CRISP2: variants seen among roughly 807,000 people sequenced by gnomAD.
CRISP2 encodes the protein cysteine rich secretory protein 2.
CRISP2 carries 29 observed loss-of-function variants against 31.7 expected under a neutral mutation model. The ratio of observed to expected loss-of-function variants is 0.92; its 90% CI spans 0.68 to 1.25. The LOEUF (loss-of-function observed/expected upper bound fraction) is 1.25, where lower values mean the gene tolerates loss of function less well. CRISP2 is among the 50% of genes most tolerant of loss of function. The probability of loss-of-function intolerance (pLI) is 0.00; values close to 1 mark genes in which losing one functional copy is unlikely to be tolerated. For missense variants in CRISP2, 318 were observed against 286.5 expected (o/e 1.11, Z -0.79); for synonymous variants, 111 against 101.4 (o/e 1.09, Z -0.57).
At chr6:49,688,573 G>A (rs891479831), downstream of CRISP2, among the ~76,000 whole-genome samples, 5 of 152,054 alleles carry the variant, frequency 3.3e-5, no homozygotes, top group East Asian at 1.9e-4. Flanking sequence ...AAAATATTCC[G>A]AAAACAGATC....
rs188498674 is a variant in CRISP2 at position 49,697,756 on chromosome 6, C to T, written c.515+104G>A. 322 of 1,590,188 alleles carry T rather than the reference C, an allele frequency of 2.0e-4. 1 individual carries two copies. Among genetic ancestry groups the T allele is most frequent in the Admixed American group, 1.4e-3 (82 of 58,448 alleles). On this transcript the variant is annotated intron_variant, in intron 8 of 9. Coordinates refer to ENST00000339139, the MANE Select transcript of CRISP2 (RefSeq NM_003296.4). ...AACATTTCCAAACGTTTATCCCCTC[C>T]CTTTTATTGAGATATGTTTTCATTC...
intron 4 of CRISP2, 71 bp downstream of exon 4, chr6:49,709,060 A>T: frequency 7.6e-7 from 1 of 1,322,104 alleles, no homozygotes; most frequent in Non-Finnish European, 1.1e-6. Context: ...ACCCCCCTTT[A>T]CTTTCAGAAT....
At chr6:49,686,952 GACAAAAAACCAA>G in the CRISP2 span, among the ~76,000 whole-genome samples, 1 of 151,176 alleles carries the variant, frequency 6.6e-6, no homozygotes, top group Non-Finnish European at 1.5e-5. Flanking sequence ...CTATCTCAAG[GACAAAAAACCAA>G]ACACCGTATG....
chr6:49,700,520 C>G (rs1765482254), intron 5 of CRISP2, 148 bp downstream of exon 5: 2 of 608,284 alleles, frequency 3.3e-6, no homozygotes, highest in South Asian at 3.9e-5. Context: ...AACAAGAATA[C>G]AATCCTCTCC....
At chr6:49,681,117 A>G in the CRISP2 span, among the ~76,000 whole-genome samples, 3 of 152,102 alleles carry the variant, frequency 2.0e-5, no homozygotes, top group African/African-American at 7.2e-5. Context: ...CAGAGTTTTT[A>G]TAGTTTTGGG....
chr6:49,704,376 T>G (rs572787494), intron 4 of CRISP2, among the ~76,000 whole-genome samples: 1 of 152,294 alleles, frequency 6.6e-6, no homozygotes, highest in Admixed American at 6.5e-5. Flanking sequence ...TCTTCTTGGT[T>G]TCAATCCATT....
At chr6:49,687,959 G>A (rs1763936296), downstream of CRISP2, among the ~76,000 whole-genome samples, 1 of 152,144 alleles carries the variant, frequency 6.6e-6, no homozygotes, top group South Asian at 2.1e-4. Context: ...ATAAACAACA[G>A]TATTAGGCAC....
At chr6:49,685,537 C>A in the CRISP2 span, among the ~76,000 whole-genome samples, 1 of 152,140 alleles carries the variant, frequency 6.6e-6, no homozygotes, top group Admixed American at 6.5e-5. Context: ...ATGTTTAAAT[C>A]CCTTCTCTAA....
chr6:49,690,127 G>T (rs567542723), downstream of CRISP2, among the ~76,000 whole-genome samples: 3 of 152,126 alleles, frequency 2.0e-5, no homozygotes, highest in East Asian at 5.8e-4. Context: ...TGTACCCTTA[G>T]GTATCTTGTC....
downstream of CRISP2, among the ~76,000 whole-genome samples, chr6:49,688,602 C>G (rs1259975097): frequency 2.6e-5 from 4 of 151,984 alleles, no homozygotes; most frequent in Non-Finnish European, 4.4e-5. Flanking sequence ...TTAATGTTAC[C>G]TGTTGAGTGG....
intron 9 of CRISP2, among the ~76,000 whole-genome samples, chr6:49,693,124 T>C (rs1764191950): frequency 6.6e-6 from 1 of 152,132 alleles, no homozygotes. Context: ...ATGAGGTGTC[T>C]TAGTTGAGCT....
chr6:49,701,648 G>A (rs554958726), intron 4 of CRISP2, among the ~76,000 whole-genome samples: 106 of 117,382 alleles, frequency 9.0e-4, no homozygotes, highest in Non-Finnish European at 1.5e-3. Context: ...CATTATATAT[G>A]TATACATTAT....
chr6:49,709,624 C>T (rs778432502), intron 3 of CRISP2, among the ~76,000 whole-genome samples: 20 of 152,236 alleles, frequency 1.3e-4, no homozygotes, highest in Admixed American at 3.3e-4. Context: ...CTATTCTATA[C>T]GAAAAGTAAA....
intron 6 of CRISP2, 132 bp from the exon 7 acceptor site, chr6:49,698,639 G>A (rs937496875): frequency 2.3e-6 from 2 of 878,998 alleles, no homozygotes; most frequent in Non-Finnish European, 3.5e-6. Flanking sequence ...ATACATAAAG[G>A]AGTGCCTCAG....
At chr6:49,679,576 T>G in the CRISP2 span, among the ~76,000 whole-genome samples, 112,118 of 152,028 alleles carry the variant, frequency 0.74, 42,158 homozygotes, top group East Asian at 0.97. Context: ...CTGGAGTCTG[T>G]CAAATTTGGT....
chr6:49,703,920 T>G (rs1310911875), intron 4 of CRISP2, among the ~76,000 whole-genome samples: 2 of 151,970 alleles, frequency 1.3e-5, no homozygotes, highest in Admixed American at 1.3e-4. Context: ...GCCAGGAAAG[T>G]TTTCCTCAAT....
chr6:49,709,124 A>G lies in CRISP2; in HGVS notation c.66+7T>C. The G allele has an allele frequency of 1.2e-6, 2 of 1,613,156 alleles. No individual in the cohort carries two copies. Among genetic ancestry groups the G allele is most frequent in the East Asian group, 2.2e-5 (1 of 44,866 alleles). On this transcript the variant is annotated splice_region_variant and intron_variant, in intron 4 of 9. Transcript: ENST00000339139. ...AGCTCTGAAAAGATTTTCCATTTTAACCTTACCTTTCCTTCTGCAGGTAAA... is the reference window on the plus strand; with the variant it reads ...AGCTCTGAAAAGATTTTCCATTTTAGCCTTACCTTTCCTTCTGCAGGTAAA...
chr6:49,677,145 C>A, the CRISP2 span, among the ~76,000 whole-genome samples: 1 of 152,032 alleles, frequency 6.6e-6, no homozygotes, highest in African/African-American at 2.4e-5. Flanking sequence ...TTTGGCAGCA[C>A]CACTGGTGTA....
the CRISP2 span, among the ~76,000 whole-genome samples, chr6:49,678,443 A>G: frequency 6.6e-6 from 1 of 152,112 alleles, no homozygotes; most frequent in Non-Finnish European, 1.5e-5. Context: ...CTTGGGAGAA[A>G]AAATTTCCAT....
Sources: gnomAD v4.1 joint callset for allele counts (sites outside exome capture counted in the v4.1 genomes callset) on GRCh38, gnomAD v4.1.1 for gene constraint, MANE v1.5 for transcripts, NCBI Gene and HGNC (gene_info 2026-07-23, HGNC 2026-07-21) for gene names.